CD160: variants seen among roughly 807,000 people sequenced by gnomAD.
CD160 encodes CD160 molecule.
CD160 carries 11 observed loss-of-function variants against 19.2 expected under a neutral mutation model. The observed-to-expected ratio is 0.57, with a 90% CI of 0.36 to 0.95. CD160 has a LOEUF of 0.95. CD160 is among the 40% of genes least tolerant of loss of function. CD160 has a pLI of 0.01. For missense variants in CD160, 182 were observed against 213.2 expected (o/e 0.85, Z 0.91); for synonymous variants, 75 against 81.1 (o/e 0.93, Z 0.40).
intron 1 of CD160, among the ~76,000 whole-genome samples, chr1:145,721,465 G>A (rs1656845878): frequency 1.3e-5 from 2 of 152,110 alleles, no homozygotes; most frequent in Admixed American, 1.3e-4. Context: ...GCCCCCCAGC[G>A]CTGGTGAGGG....
At chr1:145,727,750 A>G (rs1657109026) in intron 2 of CD160, among the ~76,000 whole-genome samples, 1 of 152,230 alleles carries the variant, frequency 6.6e-6, no homozygotes, top group South Asian at 2.1e-4. Flanking sequence ...CAGACAAGGG[A>G]ATACTAATGA....
intron 1 of CD160, among the ~76,000 whole-genome samples, chr1:145,720,471 C>G (rs1571667822): frequency 6.6e-6 from 1 of 152,186 alleles, no homozygotes; most frequent in Admixed American, 6.5e-5. Context: ...CAGCCCAAAC[C>G]TCTGTCTACT....
At chr1:145,722,560 A>G (rs1405471494) in intron 1 of CD160, among the ~76,000 whole-genome samples, 2 of 152,102 alleles carry the variant, frequency 1.3e-5, no homozygotes, top group African/African-American at 4.8e-5. Flanking sequence ...AAGAAACTTG[A>G]CCGAGTCATG....
intron 4 of CD160, among the ~76,000 whole-genome samples, chr1:145,732,287 T>C (rs1335438604): frequency 6.6e-6 from 1 of 152,200 alleles, no homozygotes; most frequent in African/African-American, 2.4e-5. Context: ...TTGCCTTCCA[T>C]GTGATCTTTT....
chr1:145,726,844 A>G (rs1657070710), intron 2 of CD160, among the ~76,000 whole-genome samples: 1 of 152,262 alleles, frequency 6.6e-6, no homozygotes, highest in African/African-American at 2.4e-5. Flanking sequence ...GAAAACTTCT[A>G]TACATACCTG....
chr1:145,720,728 G>A (rs797024572), intron 1 of CD160, among the ~76,000 whole-genome samples: 16 of 152,240 alleles, frequency 1.1e-4, no homozygotes, highest in African/African-American at 3.8e-4. Context: ...GAAAACCTCT[G>A]GCAAAGCTTT....
chr1:145,722,835 C>G (rs1422220723), intron 1 of CD160, among the ~76,000 whole-genome samples: 1 of 152,008 alleles, frequency 6.6e-6, no homozygotes, highest in Non-Finnish European at 1.5e-5. Context: ...ACCTCGTGAT[C>G]TGCCCACCTC....
chr1:145,732,874 G>A (rs1553709593), intron 4 of CD160, among the ~76,000 whole-genome samples: 1 of 152,182 alleles, frequency 6.6e-6, no homozygotes, highest in African/African-American at 2.4e-5. Context: ...ATGGGTGAAA[G>A]TATAATCCTC....
intron 4 of CD160, among the ~76,000 whole-genome samples, chr1:145,732,018 G>A (rs1375778804): frequency 1.3e-5 from 2 of 152,174 alleles, no homozygotes; most frequent in African/African-American, 4.8e-5. Flanking sequence ...CTCTATGCAT[G>A]CTCCCCCTGC....
chr1:145,728,602 C>G (rs1413815171), intron 3 of CD160, among the ~76,000 whole-genome samples: 2 of 145,620 alleles, frequency 1.4e-5, no homozygotes, highest in African/African-American at 5.1e-5. Flanking sequence ...CTCCCATGTT[C>G]AAGCAATTCT....
intron 4 of CD160, among the ~76,000 whole-genome samples, chr1:145,733,588 G>A (rs1657376999): frequency 6.6e-6 from 1 of 152,144 alleles, no homozygotes; most frequent in Non-Finnish European, 1.5e-5. Flanking sequence ...TAGTTTGACT[G>A]ACTTTGTTCC....
At position 145,736,020 on chromosome 1, in the gene CD160, G is replaced by C; in HGVS notation, c.424G>C (p.Gly142Arg). Residue 142 changes from glycine (G) to arginine (R), a missense_variant, in exon 5 of 6, where the codon GGA becomes CGA. Gly to Arg is a moderately radical substitution (Grantham distance 125). Transcript: ENST00000369288. ...AGAGACAGGGAACTACACAGTGACG[G>C]GATTGAAACAAAGACAACACCTTGA... ...FTETGNYTVT[G>R]LKQRQHLEFS... 1 of 1,613,464 alleles carries C rather than the reference G, an allele frequency of 6.2e-7. No individual in the cohort carries two copies. Among genetic ancestry groups the C allele is most frequent in the Non-Finnish European group, 8.5e-7 (1 of 1,179,476 alleles).
intron 5 of CD160, chr1:145,736,446 G>C (rs1414706277): frequency 1.0e-5 from 5 of 477,100 alleles, no homozygotes; most frequent in Non-Finnish European, 1.1e-5. Context: ...ACAAGTTGAA[G>C]CAACAGATTT....
rs782560470 is a variant in CD160, at chr1:145,738,503, CA to C, written c.*14del. 1.5e-6 allele frequency: 2 copies of C among 1,322,622 alleles called. No individual in the cohort carries two copies. The highest frequency in any genetic ancestry group is 9.8e-7 in the Non-Finnish European group (1 of 1,025,056). 81.9% of individuals were successfully genotyped at this position (1,322,622 alleles called of 1,614,324 possible). A position where few individuals can be genotyped will look rare whatever the true frequency, so the allele number is the denominator to read the frequency against. ...TTCCACAGCTTTGTAAGCCTTGTGC[CA>C]AAAGAAACTTTTAAAACAGCTACAG... On this transcript the variant is annotated 3_prime_UTR_variant, in exon 6 of 6. Coordinates refer to ENST00000369288, the MANE Select transcript of CD160 (RefSeq NM_007053.4).
intron 4 of CD160, among the ~76,000 whole-genome samples, chr1:145,734,106 A>G (rs1376586935): frequency 6.6e-6 from 1 of 152,194 alleles, no homozygotes; most frequent in Non-Finnish European, 1.5e-5. Flanking sequence ...TCTTCCGCAC[A>G]GCAGTACTTA....
In CD160 at chr1:145,720,866, A is replaced by C. The variant is rs180977039; in HGVS notation, c.-179+1307A>C. Among the ~76,000 whole-genome samples the C allele has an allele frequency of 3.9e-5, 6 of 151,924 alleles. No individual in the cohort carries two copies. In the East Asian group the frequency reaches 1.2e-3, roughly 29 times the overall value. On this transcript the variant is annotated intron_variant, in intron 1 of 5. Transcript: ENST00000369288. ...GGATTTGAACCCAGGAGTCCACAAG[A>C]CTCCAGGACCGCCTCCGAAGGTGCG...
At chr1:145,724,187 C>T (rs994774726) in intron 1 of CD160, among the ~76,000 whole-genome samples, 16 of 152,118 alleles carry the variant, frequency 1.1e-4, no homozygotes, top group Middle Eastern at 3.2e-3. Context: ...ATTTGTACTT[C>T]CCTGAATACT....
At chr1:145,720,637 C>T (rs1656797850) in intron 1 of CD160, among the ~76,000 whole-genome samples, 1 of 152,210 alleles carries the variant, frequency 6.6e-6, no homozygotes, top group African/African-American at 2.4e-5. Flanking sequence ...GACCTTCCAG[C>T]TCCTCTGAGA....
chr1:145,732,570 A>C (rs1657338773), intron 4 of CD160, among the ~76,000 whole-genome samples: 1 of 152,050 alleles, frequency 6.6e-6, no homozygotes, highest in Admixed American at 6.6e-5. Flanking sequence ...TCCAGAAGAG[A>C]GCAAGAGAAA....
Sources: allele counts gnomAD v4.1 joint callset (sites outside exome capture counted in the v4.1 genomes callset), GRCh38; gene constraint gnomAD v4.1.1; transcripts MANE v1.5; gene names NCBI Gene and HGNC (gene_info 2026-07-23, HGNC 2026-07-21).